Variants in METTL25 observed in about 807,000 individuals in gnomAD.
METTL25 encodes methyltransferase like 25, also known as probable methyltransferase-like protein 25.
In METTL25, 64 loss-of-function variants were observed where a neutral mutation model predicts 71.6. The observed-to-expected ratio is 0.89, with a 90% confidence interval of 0.73 to 1.10. The LOEUF (loss-of-function observed/expected upper bound fraction) is 1.10. METTL25 is among the 50% of genes least tolerant of loss of function. The probability of loss-of-function intolerance (pLI) is 0.00; values close to 1 mark genes in which losing one functional copy is unlikely to be tolerated. For missense variants in METTL25, 807 were observed against 707.0 expected (o/e 1.14, Z -1.60); for synonymous variants, 287 against 250.3 (o/e 1.15, Z -1.38).
intron 5 of METTL25, among the ~76,000 whole-genome samples, chr12:82,423,802 C>T (rs1018858216): frequency 6.6e-6 from 1 of 152,116 alleles, no homozygotes; most frequent in Non-Finnish European, 1.5e-5. Flanking sequence ...TCATCACTGG[C>T]CATCCGATAA....
At chr12:82,391,636 A>T (rs910207784) in intron 3 of METTL25, among the ~76,000 whole-genome samples, 1 of 151,628 alleles carries the variant, frequency 6.6e-6, no homozygotes, top group Non-Finnish European at 1.5e-5. Flanking sequence ...TCATTGATGG[A>T]CACTTAGGTT....
At chr12:82,457,792 A>C (rs1891595630) in intron 9 of METTL25, among the ~76,000 whole-genome samples, 1 of 152,106 alleles carries the variant, frequency 6.6e-6, no homozygotes, top group Admixed American at 6.6e-5. Flanking sequence ...ATTTTTATTT[A>C]GTCACTAAAA....
At chr12:82,440,370 T>G (rs1256247669) in intron 8 of METTL25, among the ~76,000 whole-genome samples, 2 of 152,008 alleles carry the variant, frequency 1.3e-5, no homozygotes, top group African/African-American at 4.8e-5. Context: ...AATACATCAG[T>G]CAGCTACCTC....
chr12:82,378,916 C>T (rs1489926969), intron 1 of METTL25, among the ~76,000 whole-genome samples: 1 of 152,042 alleles, frequency 6.6e-6, no homozygotes, highest in Non-Finnish European at 1.5e-5. Context: ...GCCCTTATCC[C>T]AGCTACTTAG....
intron 7 of METTL25, among the ~76,000 whole-genome samples, chr12:82,436,681 T>G (rs1266693406): frequency 6.6e-6 from 1 of 151,606 alleles, no homozygotes; most frequent in Non-Finnish European, 1.5e-5. Context: ...AATGAACTTG[T>G]TCTTTTTTGT....
At chr12:82,376,706 A>G (rs1187572682) in intron 1 of METTL25, among the ~76,000 whole-genome samples, 2 of 152,244 alleles carry the variant, frequency 1.3e-5, no homozygotes, top group African/African-American at 4.8e-5. Flanking sequence ...TTAATACTTT[A>G]TAATATTTCC....
intron 5 of METTL25, chr12:82,408,048 C>A: frequency 1.7e-6 from 1 of 577,218 alleles, no homozygotes; most frequent in Non-Finnish European, 2.2e-6. Flanking sequence ...ATGCCTGGAC[C>A]TGCCTCTTAC....
intron 1 of METTL25, among the ~76,000 whole-genome samples, chr12:82,376,982 G>A (rs766036996): frequency 2.6e-5 from 4 of 151,952 alleles, no homozygotes; most frequent in Middle Eastern, 3.4e-3. Context: ...GCGTGGTGGC[G>A]GGCACCTGTA....
Position 82,398,804 on chromosome 12 carries a change from T to C in METTL25, c.541T>C (p.Leu181=), listed in dbSNP as rs747076822. Residue 181 remains leucine (L), a synonymous_variant, in exon 4 of 12, where the codon TTG becomes CTG. Coordinates refer to ENST00000248306, the MANE Select transcript of METTL25 (RefSeq NM_032230.3). ...TTTTTTCTAATCTTAGGTGATTGAC[T>C]TGGGTTCCGGTAAAGGCTACCTAAG... ...DYYGIKQVID[L]GSGKGYLSSF... The C allele has an allele frequency of 1.3e-6, 2 of 1,530,516 alleles. No homozygotes were observed. The highest frequency in any genetic ancestry group is 2.8e-5 in the African/African-American group (2 of 71,496). 94.8% of individuals were successfully genotyped at this position (1,530,516 alleles called of 1,614,324 possible). A position where few individuals can be genotyped will look rare whatever the true frequency, so the allele number is the denominator to read the frequency against.
intron 8 of METTL25, among the ~76,000 whole-genome samples, chr12:82,445,124 A>G (rs935319761): frequency 1.3e-5 from 2 of 152,176 alleles, no homozygotes; most frequent in Non-Finnish European, 2.9e-5. Flanking sequence ...TTTAATAAGT[A>G]CATTGGAAAA....
At chr12:82,398,176 A>G (rs1249854594) in intron 3 of METTL25, among the ~76,000 whole-genome samples, 4 of 151,468 alleles carry the variant, frequency 2.6e-5, no homozygotes, top group South Asian at 2.1e-4. Flanking sequence ...TACATCCTTC[A>G]TTAAATTTAT....
At chr12:82,446,036 A>G (rs139568131) in intron 8 of METTL25, among the ~76,000 whole-genome samples, 1 of 152,284 alleles carries the variant, frequency 6.6e-6, no homozygotes, top group Non-Finnish European at 1.5e-5. Flanking sequence ...AGGGTCAGCT[A>G]TACTTACGTC....
At chr12:82,393,073 G>T (rs1441840122) in intron 3 of METTL25, among the ~76,000 whole-genome samples, 1 of 152,046 alleles carries the variant, frequency 6.6e-6, no homozygotes, top group Non-Finnish European at 1.5e-5. Flanking sequence ...GATGCCTCCA[G>T]CTTTGTTCTT....
intron 8 of METTL25, among the ~76,000 whole-genome samples, chr12:82,456,177 T>G (rs751522399): frequency 7.2e-5 from 11 of 151,890 alleles, no homozygotes; most frequent in Non-Finnish European, 1.2e-4. Flanking sequence ...TTGTGAGATG[T>G]GGTACTCTAG....
chr12:82,476,598 T>G, intron 9 of METTL25, 46 bp from the exon 10 acceptor site: 2 of 1,272,454 alleles, frequency 1.6e-6, no homozygotes, highest in Non-Finnish European at 2.3e-6. Context: ...CAAGGAAAAA[T>G]ATTTTTAAAC....
chr12:82,426,582 ATAG>A (rs1337039705), intron 5 of METTL25, among the ~76,000 whole-genome samples: 2 of 151,950 alleles, frequency 1.3e-5, no homozygotes, highest in African/African-American at 4.8e-5. Context: ...GTGGTGGTAA[ATAG>A]TAGCTTTATG....
intron 8 of METTL25, among the ~76,000 whole-genome samples, chr12:82,450,458 A>G (rs1325404435): frequency 1.3e-5 from 2 of 152,034 alleles, no homozygotes; most frequent in Admixed American, 1.3e-4. Context: ...AGCCATCATC[A>G]TCTTTCACCC....
chr12:82,361,560 C>G (rs7294780), intron 1 of METTL25, among the ~76,000 whole-genome samples: 9,451 of 152,242 alleles, frequency 0.062, 341 homozygotes, highest in Middle Eastern at 0.12. Context: ...TGAGCCCTGC[C>G]CCGCAGGGAG....
Position 82,434,760 on chromosome 12 carries a change from T to A in METTL25, c.1404+36T>A, listed in dbSNP as rs569926388. The A allele has an allele frequency of 2.5e-6, 4 of 1,592,434 alleles. No individual in the cohort carries two copies. The African/African-American group carries it at 4.0e-5, about 16-fold the overall frequency. Reference sequence around the variant, plus strand: ...GTGTTAACTGATGAACACGACAGTTTTTCTCTCAAGTACTCTTCATACTTG... The same window carrying A: ...GTGTTAACTGATGAACACGACAGTTATTCTCTCAAGTACTCTTCATACTTG... On this transcript the variant is annotated intron_variant, in intron 7 of 11. Transcript: ENST00000248306.
Sources: allele counts gnomAD v4.1 joint callset (sites outside exome capture counted in the v4.1 genomes callset), GRCh38; gene constraint gnomAD v4.1.1; transcripts MANE v1.5; gene names NCBI Gene and HGNC (gene_info 2026-07-23, HGNC 2026-07-21).